The following KIAA0753 variants were observed in gnomAD, a reference collection of about 807,000 sequenced individuals.
KIAA0753 encodes the protein KIAA0753, also known as protein moonraker.
KIAA0753 carries 114 observed loss-of-function variants against 116.9 expected under a neutral mutation model. That is an observed-to-expected ratio of 0.98 (90% CI 0.84 to 1.14). The LOEUF (loss-of-function observed/expected upper bound fraction) is 1.14, where lower values mean the gene tolerates loss of function less well. KIAA0753 is among the 50% of genes most tolerant of loss of function. The pLI is 0.00. For synonymous variants in KIAA0753, 405 were observed against 413.1 expected (o/e 0.98, Z 0.24); for missense variants, 1,156 against 1,172.4 (o/e 0.99, Z 0.20).
At chr17:6,598,951 A>G (rs1164791499) in intron 14 of KIAA0753, among the ~76,000 whole-genome samples, 2 of 152,216 alleles carry the variant, frequency 1.3e-5, no homozygotes, top group East Asian at 3.9e-4. Flanking sequence ...GGCCACCAAC[A>G]TTCAGGGCCA....
At chr17:6,627,229 C>A (rs60853225) in intron 3 of KIAA0753, among the ~76,000 whole-genome samples, 3,568 of 152,230 alleles carry the variant, frequency 0.023, 154 homozygotes, top group African/African-American at 0.081. Flanking sequence ...TGTGACTCAT[C>A]CCTAGTAAAT....
At chr17:6,610,523 T>TTTC (rs1970471043) in intron 8 of KIAA0753, among the ~76,000 whole-genome samples, 1 of 145,036 alleles carries the variant, frequency 6.9e-6, no homozygotes, top group Non-Finnish European at 1.5e-5. Context: ...TCTCTTTTTT[T>TTTC]TTTTTTTTTT....
At chr17:6,624,153 G>C (rs1448256940) in intron 4 of KIAA0753, 1 of 152,440 alleles carries the variant, frequency 6.6e-6, no homozygotes, top group Non-Finnish European at 1.5e-5. Context: ...TAATGTATAA[G>C]GCATGAAAGT....
intron 4 of KIAA0753, among the ~76,000 whole-genome samples, 190 bp downstream of exon 4, chr17:6,624,565 C>G (rs1281902777): frequency 6.6e-6 from 1 of 151,888 alleles, no homozygotes; most frequent in Non-Finnish European, 1.5e-5. Context: ...CACACACACA[C>G]ACACACGCAG....
chr17:6,610,518 T>C (rs998952077), intron 8 of KIAA0753, among the ~76,000 whole-genome samples: 12 of 140,830 alleles, frequency 8.5e-5, no homozygotes, highest in South Asian at 2.4e-4. Context: ...TTCTTTCTCT[T>C]TTTTTTTTTT....
chr17:6,579,808 T>C lies in KIAA0753; in HGVS notation c.2843A>G (p.Asp948Gly). Reference sequence around the variant, plus strand: ...AGCTTCTGCATAATCTTCGCACATATCCTGAAGTTCAGCAGCCACAGCACC... The same window carrying C: ...AGCTTCTGCATAATCTTCGCACATACCCTGAAGTTCAGCAGCCACAGCACC... ...ALGAVAAELQDMCEDYAEAVF... is the reference protein window; with the variant it reads ...ALGAVAAELQGMCEDYAEAVF... The change falls in exon 19 of 19, where the codon GAT becomes GGT. Residue 948 changes from aspartate (D) to glycine (G), a missense_variant. Coordinates refer to ENST00000361413, the MANE Select transcript of KIAA0753 (RefSeq NM_014804.3). 1 of 1,613,962 alleles carries C rather than the reference T, an allele frequency of 6.2e-7. No homozygotes were observed. The highest frequency in any genetic ancestry group is 2.2e-5 in the East Asian group (1 of 44,882).
chr17:6,595,171 A>G (rs916541482), intron 15 of KIAA0753, 118 bp from the exon 16 acceptor site: 13 of 687,088 alleles, frequency 1.9e-5, no homozygotes, highest in South Asian at 1.2e-4. Context: ...ACTGCCAGAC[A>G]TGGGCACCTG....
At chr17:6,595,345 A>G (rs899471187) in intron 15 of KIAA0753, among the ~76,000 whole-genome samples, 14 of 152,244 alleles carry the variant, frequency 9.2e-5, no homozygotes, top group African/African-American at 3.4e-4. Flanking sequence ...CTGACTCCTT[A>G]GAGTGTATTT....
chr17:6,634,992 C>G lies in KIAA0753; in HGVS notation c.93+19G>C, dbSNP rs779147575. ...TTGAAATATTTAATAATAAAAATCT[C>G]AGGCAAAAATAGAACTACCTGGGTC... On this transcript the variant is annotated intron_variant, in intron 2 of 18. Transcript: ENST00000361413. The G allele has an allele frequency of 3.4e-6, 5 of 1,470,816 alleles. No homozygotes were observed. The highest frequency in any genetic ancestry group is 4.8e-6 in the Non-Finnish European group (5 of 1,050,306). 91.1% of individuals were successfully genotyped at this position (1,470,816 alleles called of 1,614,324 possible). A position where few individuals can be genotyped will look rare whatever the true frequency, so the allele number is the denominator to read the frequency against.
chr17:6,608,477 G>C lies in KIAA0753; in HGVS notation c.1713-13C>G. 1.4e-6 allele frequency: 2 copies of C among 1,423,522 alleles called. No individual in the cohort carries two copies. Among genetic ancestry groups the C allele is most frequent in the Non-Finnish European group, 1.9e-6 (2 of 1,049,776 alleles). The allele number at this position is 1,423,522 out of a possible 1,614,324, so 88.2% of individuals were successfully genotyped here. ...TAGCCATGCAGCACTGAAATAAATG[G>C]AAAAGCATACCTTTGTCATCATTCA... is the stretch of plus-strand genomic sequence containing the variant. On this transcript the variant is annotated splice_polypyrimidine_tract_variant and intron_variant, in intron 9 of 18. Coordinates refer to ENST00000361413, the MANE Select transcript of KIAA0753 (RefSeq NM_014804.3).
Position 6,623,707 on chromosome 17 carries a change from G to A in KIAA0753, c.826-136C>T, listed in dbSNP as rs1006564684. 23 of 1,292,922 alleles carry A rather than the reference G, an allele frequency of 1.8e-5. No individual in the cohort carries two copies. In the African/African-American group the frequency reaches 3.2e-4, roughly 18 times the overall value. 80.1% of individuals were successfully genotyped at this position (1,292,922 alleles called of 1,614,324 possible). On this transcript the variant is annotated intron_variant, in intron 4 of 18. Transcript: ENST00000361413. ...CAAGTCACTTGAAAATGAAAAAAAGGCTCTTCATTCATGCACCCAAAAAAC... is the reference window on the plus strand; with the variant it reads ...CAAGTCACTTGAAAATGAAAAAAAGACTCTTCATTCATGCACCCAAAAAAC...
At chr17:6,591,529 C>T (rs759189960) in intron 16 of KIAA0753, among the ~76,000 whole-genome samples, 3 of 152,188 alleles carry the variant, frequency 2.0e-5, no homozygotes, top group Non-Finnish European at 4.4e-5. Flanking sequence ...CCACCAGAAA[C>T]GGAACTCTTA....
At chr17:6,629,649 A>T (rs914322190) in intron 2 of KIAA0753, among the ~76,000 whole-genome samples, 3 of 152,212 alleles carry the variant, frequency 2.0e-5, no homozygotes, top group African/African-American at 7.2e-5. Context: ...CAATAGCCTG[A>T]GGAGAATCCA....
At chr17:6,629,531 G>A (rs952223318) in intron 2 of KIAA0753, among the ~76,000 whole-genome samples, 3 of 151,972 alleles carry the variant, frequency 2.0e-5, no homozygotes, top group African/African-American at 7.3e-5. Context: ...ATTTCCTTAG[G>A]ATAAATGATC....
At chr17:6,580,002 G>A in intron 18 of KIAA0753, 138 bp from the exon 19 acceptor site, 2 of 601,860 alleles carry the variant, frequency 3.3e-6, no homozygotes, top group Non-Finnish European at 6.0e-6. Flanking sequence ...GGCCAACATG[G>A]TGAAACCCGG....
chr17:6,615,641 A>C (rs962143337), intron 7 of KIAA0753, among the ~76,000 whole-genome samples: 4 of 147,406 alleles, frequency 2.7e-5, no homozygotes, highest in Admixed American at 1.4e-4. Context: ...AAAAAAAAAA[A>C]ACCTAAATCC....
intron 12 of KIAA0753, among the ~76,000 whole-genome samples, chr17:6,606,184 A>C (rs1215875087): frequency 2.0e-5 from 3 of 152,180 alleles, no homozygotes; most frequent in Non-Finnish European, 4.4e-5. Flanking sequence ...TATGACTTGA[A>C]ATCTTTACTA....
chr17:6,628,397 C>T lies in KIAA0753; in HGVS notation c.438G>A (p.Arg146=), dbSNP rs772573779. 1.5e-5 allele frequency: 25 copies of T among 1,614,106 alleles called. No homozygotes were observed. The highest frequency in any genetic ancestry group is 2.0e-5 in the Non-Finnish European group (24 of 1,180,050). Residue 146 remains arginine, a synonymous_variant, in exon 3 of 19, where the codon AGG becomes AGA. Coordinates refer to ENST00000361413, the MANE Select transcript of KIAA0753 (RefSeq NM_014804.3). ...KYKIPDHRVE[R]KESKSQAACQ... ...AGGCTGCTTGACTCTTTGATTCCTT[C>T]CTTTCCACCCTGTGGTCGGGTATTT...
intron 16 of KIAA0753, among the ~76,000 whole-genome samples, chr17:6,592,468 C>T (rs1356469017): frequency 2.0e-5 from 3 of 152,170 alleles, no homozygotes; most frequent in Admixed American, 6.5e-5. Flanking sequence ...ACAAGTCAAA[C>T]AGAATTTGAG....
Sources: gnomAD v4.1 joint callset for allele counts (sites outside exome capture counted in the v4.1 genomes callset) on GRCh38, gnomAD v4.1.1 for gene constraint, MANE v1.5 for transcripts, NCBI Gene and HGNC (gene_info 2026-07-23, HGNC 2026-07-21) for gene names.